The following RPS6KA2 variants were observed in gnomAD, a reference collection of about 807,000 sequenced individuals.
RPS6KA2 encodes the protein ribosomal protein S6 kinase A2.
A neutral mutation model predicts 91.8 loss-of-function variants in RPS6KA2; 42 were observed. That is an observed-to-expected ratio of 0.46 (90% CI 0.36 to 0.59). RPS6KA2 has a LOEUF of 0.59. Among genes scored for constraint, RPS6KA2 ranks in the 20% least tolerant of loss-of-function variants. The pLI is 0.00. For missense variants in RPS6KA2, 798 were observed against 978.5 expected (o/e 0.82, Z 2.46); for synonymous variants, 414 against 393.6 (o/e 1.05, Z -0.61).
At chr6:166,619,122 T>C (rs1006605637) in intron 1 of RPS6KA2, among the ~76,000 whole-genome samples, 2 of 152,228 alleles carry the variant, frequency 1.3e-5, no homozygotes, top group African/African-American at 4.8e-5. Context: ...TTTTCACTTC[T>C]TTGTTGGGTT....
At chr6:166,456,692 C>T (rs1670507072) in intron 12 of RPS6KA2, among the ~76,000 whole-genome samples, 2 of 152,218 alleles carry the variant, frequency 1.3e-5, no homozygotes, top group Admixed American at 6.5e-5. Flanking sequence ...TACAGCTGCT[C>T]ATTCACCCAG....
At chr6:166,799,809 T>C (rs1317017594) in intron 2 of RPS6KA2, among the ~76,000 whole-genome samples, 1 of 152,170 alleles carries the variant, frequency 6.6e-6, no homozygotes, top group Non-Finnish European at 1.5e-5. Context: ...TTTGGTTCCA[T>C]GGATAAGTTC....
chr6:166,431,889 A>G (rs996542674), intron 15 of RPS6KA2, among the ~76,000 whole-genome samples: 12 of 152,082 alleles, frequency 7.9e-5, no homozygotes, highest in Non-Finnish European at 1.3e-4. Context: ...ACGCCTCCCA[A>G]AGTGCTGGGA....
intron 1 of RPS6KA2, among the ~76,000 whole-genome samples, chr6:166,570,461 C>CA (rs1187326334): frequency 2.0e-5 from 3 of 152,190 alleles, no homozygotes; most frequent in Non-Finnish European, 4.4e-5. Context: ...CCTGCAAAAA[C>CA]AAAAACCCTT....
chr6:166,656,823 T>C (rs1209375298), intron 2 of RPS6KA2, among the ~76,000 whole-genome samples: 1 of 152,144 alleles, frequency 6.6e-6, no homozygotes, highest in African/African-American at 2.4e-5. Flanking sequence ...CCCAGGGCCG[T>C]TGTCCAGATT....
At chr6:166,861,237 A>G (rs1423767466) in intron 1 of RPS6KA2, among the ~76,000 whole-genome samples, 1 of 152,234 alleles carries the variant, frequency 6.6e-6, no homozygotes, top group Non-Finnish European at 1.5e-5. Context: ...ATTTATAAGT[A>G]CAGTGCTGGG....
chr6:166,753,646 G>A (rs1358633179), intron 2 of RPS6KA2, among the ~76,000 whole-genome samples: 1 of 152,156 alleles, frequency 6.6e-6, no homozygotes, highest in Non-Finnish European at 1.5e-5. Context: ...TATTATGAAA[G>A]TTTGTCACCT....
intron 1 of RPS6KA2, among the ~76,000 whole-genome samples, chr6:166,610,277 A>G (rs954465909): frequency 2.0e-5 from 3 of 152,230 alleles, no homozygotes; most frequent in African/African-American, 7.2e-5. Flanking sequence ...ACAGAAGGTA[A>G]ATGCAAATGG....
chr6:166,439,037 C>A (rs1779433123), intron 14 of RPS6KA2, among the ~76,000 whole-genome samples: 1 of 152,156 alleles, frequency 6.6e-6, no homozygotes, highest in South Asian at 2.1e-4. Flanking sequence ...TATTATAAAC[C>A]CCGATTTTAA....
At chr6:166,835,759 C>A (rs958513593) in intron 2 of RPS6KA2, among the ~76,000 whole-genome samples, 3 of 152,194 alleles carry the variant, frequency 2.0e-5, no homozygotes, top group Non-Finnish European at 2.9e-5. Flanking sequence ...TCTTGCACTA[C>A]CAATAATTTT....
intron 1 of RPS6KA2, among the ~76,000 whole-genome samples, chr6:166,556,137 C>T (rs1784171717): frequency 6.6e-6 from 1 of 152,168 alleles, no homozygotes; most frequent in Non-Finnish European, 1.5e-5. Flanking sequence ...TAGCCTGTTC[C>T]TGGACCCTCT....
intron 2 of RPS6KA2, among the ~76,000 whole-genome samples, chr6:166,803,319 T>A (rs1779416092): frequency 6.6e-6 from 1 of 152,222 alleles, no homozygotes; most frequent in Admixed American, 6.5e-5. Flanking sequence ...GTAAGTTTCA[T>A]TGTTACCCAT....
At chr6:166,657,786 T>C (rs909760423) in intron 2 of RPS6KA2, among the ~76,000 whole-genome samples, 1 of 152,210 alleles carries the variant, frequency 6.6e-6, no homozygotes, top group Non-Finnish European at 1.5e-5. Flanking sequence ...AGTTCTGCTT[T>C]TGAGGCCAGA....
chr6:166,754,213 C>T (rs548888175), intron 2 of RPS6KA2, among the ~76,000 whole-genome samples: 1 of 152,348 alleles, frequency 6.6e-6, no homozygotes, highest in South Asian at 2.1e-4. Context: ...TTAAAAACAA[C>T]TGACAGTGTT....
chr6:166,661,232 C>T (rs897352437), intron 2 of RPS6KA2, among the ~76,000 whole-genome samples: 9 of 152,156 alleles, frequency 5.9e-5, no homozygotes, highest in Admixed American at 5.9e-4. Flanking sequence ...TGCTAAGTAG[C>T]TGGGATCACA....
At chr6:166,624,536 C>A (rs967592298) in intron 1 of RPS6KA2, among the ~76,000 whole-genome samples, 1 of 152,170 alleles carries the variant, frequency 6.6e-6, no homozygotes, top group Non-Finnish European at 1.5e-5. Context: ...TGGACTGGGG[C>A]ACAAAGTCAG....
chr6:166,428,801 G>C (rs1368653577), intron 16 of RPS6KA2, among the ~76,000 whole-genome samples: 1 of 152,064 alleles, frequency 6.6e-6, no homozygotes, highest in Non-Finnish European at 1.5e-5. Context: ...TGCTGGAGAG[G>C]ATGTGGAGAA....
In RPS6KA2 at chr6:166,648,663, C is replaced by T. The variant is rs1347383103; in HGVS notation, c.124-109879G>A. Among the ~76,000 whole-genome samples the T allele has an allele frequency of 6.6e-6, 1 of 152,136 alleles. No homozygotes were observed. Among genetic ancestry groups the T allele is most frequent in the Non-Finnish European group, 1.5e-5 (1 of 68,030 alleles). On this transcript the variant is annotated intron_variant, in intron 2 of 21. Transcript: ENST00000503859. This position sits in a 1 kb window ranked among gnomAD's most constrained non-coding sequence, Gnocchi z 4.8. ...TTCCAGCTCTGCCCTCTCTCACTAGCTGGAATCCCGTCTCCAACTCTCTGC... is the reference window on the plus strand; with the variant it reads ...TTCCAGCTCTGCCCTCTCTCACTAGTTGGAATCCCGTCTCCAACTCTCTGC...
At position 166,493,818 on chromosome 6, in the gene RPS6KA2, T is replaced by A. The variant is rs910388461; in HGVS notation, c.748-3077A>T. On this transcript the variant is annotated intron_variant, in intron 8 of 20. Transcript: ENST00000265678. The surrounding 1 kb of genome is among the most constrained non-coding windows in gnomAD (Gnocchi z 4.7). ...GAGGCACAGATGCTGCTAAACATCC[T>A]ATGACACACAGGGCGCCCCACAACA... Among the ~76,000 whole-genome samples, 1 of 152,166 alleles carries A rather than the reference T, an allele frequency of 6.6e-6. No homozygotes were observed. The highest frequency in any genetic ancestry group is 1.9e-4 in the East Asian group (1 of 5,186).
Sources: allele counts gnomAD v4.1 joint callset (sites outside exome capture counted in the v4.1 genomes callset), GRCh38; gene constraint gnomAD v4.1.1; non-coding constraint Gnocchi (gnomAD v3.1); transcripts MANE v1.5; gene names NCBI Gene and HGNC (gene_info 2026-07-23, HGNC 2026-07-21).